Variants in CSMD1 observed in about 807,000 individuals in gnomAD.
CSMD1 encodes CUB and Sushi multiple domains 1, also known as CUB and sushi domain-containing protein 1.
In CSMD1, 213 loss-of-function variants were observed where a neutral mutation model predicts 417.5. The observed-to-expected ratio is 0.51, with a 90% CI of 0.46 to 0.57. The LOEUF (loss-of-function observed/expected upper bound fraction) is 0.57, where lower values mean the gene tolerates loss of function less well. CSMD1 is among the 20% of genes least tolerant of loss of function. The probability of loss-of-function intolerance (pLI) is 0.00; values close to 1 mark genes in which losing one functional copy is unlikely to be tolerated. For synonymous variants in CSMD1, 2,862 were observed against 1,736.8 expected (o/e 1.65, Z -16.11); for missense variants, 6,923 against 4,529.7 (o/e 1.53, Z -15.17).
chr8:3,994,253 T>G lies in CSMD1; in HGVS notation c.818+3650A>C, dbSNP rs553797809. On this transcript the variant is annotated intron_variant, in intron 5 of 69. Transcript: ENST00000635120. Reference sequence around the variant, plus strand: ...GGGTATGGAAGCCTGTTTCTTTTGTTATATAAGTTCATATTTTAAAGGGAG... The same window carrying G: ...GGGTATGGAAGCCTGTTTCTTTTGTGATATAAGTTCATATTTTAAAGGGAG... Among the ~76,000 whole-genome samples, 3 of 152,270 alleles carry G rather than the reference T, an allele frequency of 2.0e-5. No individual in the cohort carries two copies. In the South Asian group the frequency reaches 6.2e-4, roughly 32 times the overall value.
intron 5 of CSMD1, among the ~76,000 whole-genome samples, chr8:3,761,500 ATTTTTTTTT>A (rs57655479): frequency 1.1e-5 from 1 of 93,362 alleles, no homozygotes; most frequent in African/African-American, 4.0e-5. Flanking sequence ...CAAAACGACC[ATTTTTTTTT>A]TTTTTTTTTT....
At chr8:4,269,287 C>G (rs975581680) in intron 3 of CSMD1, among the ~76,000 whole-genome samples, 1 of 152,108 alleles carries the variant, frequency 6.6e-6, no homozygotes, top group Non-Finnish European at 1.5e-5. Flanking sequence ...GAACCTCCAA[C>G]TCTTGATCTC....
At chr8:3,240,623 T>C (rs930257553) in intron 26 of CSMD1, among the ~76,000 whole-genome samples, 1 of 151,678 alleles carries the variant, frequency 6.6e-6, no homozygotes, top group African/African-American at 2.4e-5. Context: ...GCCTGATGGG[T>C]GTCAGGGTCA....
At chr8:3,727,955 G>C (rs1052007727) in intron 6 of CSMD1, among the ~76,000 whole-genome samples, 2 of 152,138 alleles carry the variant, frequency 1.3e-5, no homozygotes, top group African/African-American at 2.4e-5. Flanking sequence ...TGGGTAATGA[G>C]AGTTTAATGG....
At chr8:3,171,581 A>T (rs1820587103) in intron 37 of CSMD1, among the ~76,000 whole-genome samples, 1 of 152,220 alleles carries the variant, frequency 6.6e-6, no homozygotes, top group South Asian at 2.1e-4. Flanking sequence ...ACCATGAAAC[A>T]TTTGCAAGAC....
At chr8:2,986,550 G>A (rs752145404) in intron 54 of CSMD1, among the ~76,000 whole-genome samples, 2 of 151,936 alleles carry the variant, frequency 1.3e-5, no homozygotes, top group Non-Finnish European at 2.9e-5. Context: ...GCTCACCCAG[G>A]CTGGAGTGCA....
chr8:4,834,229 G>A (rs139428035), intron 1 of CSMD1, among the ~76,000 whole-genome samples: 1 of 152,286 alleles, frequency 6.6e-6, no homozygotes, highest in East Asian at 1.9e-4. Context: ...GTGGTAAGGA[G>A]AGGGAAGAAA....
At chr8:3,408,953 C>G (rs189050671) in intron 13 of CSMD1, among the ~76,000 whole-genome samples, 1 of 152,092 alleles carries the variant, frequency 6.6e-6, no homozygotes, top group Non-Finnish European at 1.5e-5. Context: ...GACTGTGAAG[C>G]CTTTTCTACT....
intron 5 of CSMD1, among the ~76,000 whole-genome samples, chr8:3,984,339 G>T (rs963021038): frequency 1.3e-5 from 2 of 152,150 alleles, no homozygotes; most frequent in Admixed American, 1.3e-4. Context: ...ACTGCCAAAA[G>T]AAAATGCTGA....
intron 10 of CSMD1, among the ~76,000 whole-genome samples, chr8:3,534,466 A>G (rs1798108293): frequency 6.7e-6 from 1 of 150,270 alleles, no homozygotes; most frequent in African/African-American, 2.5e-5. Context: ...CACACTTATG[A>G]CACCCTCTCT....
intron 7 of CSMD1, among the ~76,000 whole-genome samples, chr8:3,643,402 A>C (rs1417207054): frequency 1.3e-5 from 2 of 152,114 alleles, no homozygotes; most frequent in East Asian, 1.9e-4. Flanking sequence ...TGAGTGCCTT[A>C]TCAGAAATGC....
intron 3 of CSMD1, among the ~76,000 whole-genome samples, chr8:4,191,004 T>G (rs1374792516): frequency 6.6e-6 from 1 of 152,018 alleles, no homozygotes; most frequent in Non-Finnish European, 1.5e-5. Context: ...CTAGACTTAG[T>G]ACTTGAGTGA....
Position 4,359,133 on chromosome 8 carries a change from G to T in CSMD1, c.415+60820C>A, listed in dbSNP as rs181731818. ...TACTAGGGTAGAAATTTAGAAGGCA[G>T]AGTTGTAGCCCAGTTCGGTCACTAA... On this transcript the variant is annotated intron_variant, in intron 3 of 69. Coordinates refer to ENST00000635120, the MANE Select transcript of CSMD1 (RefSeq NM_033225.6). 9.8e-5 allele frequency among the ~76,000 whole-genome samples: 15 copies of T among 152,290 alleles called. 1 individual carries two copies. The highest frequency in any genetic ancestry group is 3.6e-4 in the African/African-American group (15 of 41,558).
chr8:4,931,200 G>A (rs921874633), intron 1 of CSMD1, among the ~76,000 whole-genome samples: 1 of 152,130 alleles, frequency 6.6e-6, no homozygotes, highest in African/African-American at 2.4e-5. Context: ...CTAAAAGATT[G>A]AAATATAACT....
chr8:3,258,850 C>A (rs1370404487), intron 26 of CSMD1, among the ~76,000 whole-genome samples: 1 of 152,126 alleles, frequency 6.6e-6, no homozygotes, highest in East Asian at 1.9e-4. Context: ...AAGAGAAAAC[C>A]AAATACTGCA....
At chr8:3,292,480 C>G (rs755858411) in intron 25 of CSMD1, among the ~76,000 whole-genome samples, 3 of 152,070 alleles carry the variant, frequency 2.0e-5, no homozygotes, top group Non-Finnish European at 2.9e-5. Context: ...TTGTAGGTGT[C>G]TAAGGACTTG....
chr8:4,615,585 C>CTTT (rs1217650227), intron 2 of CSMD1, among the ~76,000 whole-genome samples: 1 of 152,118 alleles, frequency 6.6e-6, no homozygotes, highest in Non-Finnish European at 1.5e-5. Flanking sequence ...AGGATAAACA[C>CTTT]TTCATTCAAA....
Position 3,110,335 on chromosome 8 carries a change from G to A in CSMD1, c.6431C>T (p.Ala2144Val), listed in dbSNP as rs775021169. Residue 2144 changes from alanine (A) to valine (V), a missense_variant and splice_region_variant, in exon 43 of 70, where the codon GCC becomes GTC. By Grantham distance (64) the Ala-to-Val change is moderately conservative. Coordinates refer to ENST00000635120, the MANE Select transcript of CSMD1 (RefSeq NM_033225.6). ...NWNYPFPRCD[A>V]PCGYNVTSQN... ...AGAAGTTACGTTGTACCCACAAGGG[G>A]CTGCAAAGGAAACCAAGAAAAAACA... is the stretch of plus-strand genomic sequence containing the variant. 1 of 1,594,812 alleles carries A rather than the reference G, an allele frequency of 6.3e-7. No homozygotes were observed. Among genetic ancestry groups the A allele is most frequent in the South Asian group, 1.1e-5 (1 of 87,560 alleles).
chr8:3,544,330 G>GA (rs1303510726), intron 10 of CSMD1, among the ~76,000 whole-genome samples: 1 of 152,098 alleles, frequency 6.6e-6, no homozygotes, highest in Non-Finnish European at 1.5e-5. Flanking sequence ...TAGTAATTCA[G>GA]AAAATTAATC....
Sources: allele counts gnomAD v4.1 joint callset (sites outside exome capture counted in the v4.1 genomes callset), GRCh38; gene constraint gnomAD v4.1.1; transcripts MANE v1.5; gene names NCBI Gene and HGNC (gene_info 2026-07-23, HGNC 2026-07-21).